The following ZNF799 variants were observed in gnomAD, a reference collection of about 807,000 sequenced individuals.
ZNF799 encodes zinc finger protein 799.
ZNF799 carries 28 observed loss-of-function variants against 41.0 expected under a neutral mutation model. That is an observed-to-expected ratio of 0.68 (90% CI 0.51 to 0.94). The LOEUF is 0.94. Among genes scored for constraint, ZNF799 ranks in the 40% least tolerant of loss-of-function variants. The pLI is 0.00. For missense variants in ZNF799, 716 were observed against 764.3 expected, an observed-to-expected ratio of 0.94 and a Z score of 0.74; for synonymous variants, 213 against 252.9, an observed-to-expected ratio of 0.84 and a Z score of 1.50.
At chr19:12,409,767 G>A in the ZNF799 span, among the ~76,000 whole-genome samples, 6 of 152,116 alleles carry the variant, frequency 3.9e-5, no homozygotes, top group Admixed American at 3.3e-4. Context: ...CCAGAAAGTC[G>A]ACATTTGAAC....
rs1302208830 is a variant in ZNF799, at chr19:12,390,214, A to C, written c.*252T>G. The stretch of plus-strand genomic sequence containing the variant: ...GTAATCTAGACATAATTGAGAGTAT[A>C]CAAGAGGATGTGGGTAAGTTACATA... On this transcript the variant is annotated 3_prime_UTR_variant, in exon 4 of 4. Coordinates refer to ENST00000430385, the MANE Select transcript of ZNF799 (RefSeq NM_001080821.3). 2.4e-5 allele frequency: 16 copies of C among 663,610 alleles called. No individual in the cohort carries two copies. Among genetic ancestry groups the C allele is most frequent in the Non-Finnish European group, 4.1e-5 (16 of 393,998 alleles). The allele number at this position is 663,610 out of a possible 1,614,324, so 41.1% of individuals were successfully genotyped here.
rs774584300 is a variant in ZNF799 at position 12,390,927 on chromosome 19, G to T, written c.1471C>A (p.Leu491Ile). Residue 491 changes from leucine to isoleucine, a missense_variant, in exon 4 of 4, where the codon CTT (leucine) becomes ATT (isoleucine). Leu to Ile is a conservative substitution (Grantham distance 5). Transcript: ENST00000430385. ...CGKAFSCFQYLSQHRRTHTGE... is the reference protein window; with the variant it reads ...CGKAFSCFQYISQHRRTHTGE... ...GTGTGAGTCCTTCTATGTTGAGAAA[G>T]GTATTGGAAACAACTGAATGCTTTC... 1 of 1,611,120 alleles carries T rather than the reference G, an allele frequency of 6.2e-7. No individual in the cohort carries two copies. Among genetic ancestry groups the T allele is most frequent in the Non-Finnish European group, 8.5e-7 (1 of 1,179,084 alleles).
intron 3 of ZNF799, 35 bp downstream of exon 3, chr19:12,392,568 C>T (rs1969840917): frequency 6.5e-7 from 1 of 1,528,018 alleles, no homozygotes; most frequent in African/African-American, 1.4e-5. Flanking sequence ...AGAACGGCTC[C>T]AGGGACATAT....
chr19:12,412,340 G>T, the ZNF799 span, among the ~76,000 whole-genome samples: 1 of 152,086 alleles, frequency 6.6e-6, no homozygotes, highest in Non-Finnish European at 1.5e-5. Flanking sequence ...CTAACTCTTG[G>T]TCTTCAAGGC....
At chr19:12,405,649 C>T, upstream of ZNF799, among the ~76,000 whole-genome samples, 1 of 152,286 alleles carries the variant, frequency 6.6e-6, no homozygotes, top group Middle Eastern at 3.4e-3. Context: ...GAGGAATAGA[C>T]ATCAGTGTCT....
At chr19:12,409,268 C>T in the ZNF799 span, among the ~76,000 whole-genome samples, 24 of 152,300 alleles carry the variant, frequency 1.6e-4, no homozygotes, top group African/African-American at 5.8e-4. Flanking sequence ...CTAATACCGC[C>T]ACTGGTTTGA....
intron 1 of ZNF799, chr19:12,394,692 TAGAA>T (rs1969869862): frequency 6.1e-6 from 6 of 985,384 alleles, no homozygotes; most frequent in Non-Finnish European, 3.6e-6. Flanking sequence ...CACATATTCT[TAGAA>T]AGAACTCAGT....
chr19:12,409,040 A>G, the ZNF799 span, among the ~76,000 whole-genome samples: 1 of 146,656 alleles, frequency 6.8e-6, no homozygotes, highest in Non-Finnish European at 1.5e-5. Flanking sequence ...CACCTCAAGA[A>G]AAAAAAAAAA....
Position 12,390,885 on chromosome 19 carries a change from C to T in ZNF799, c.1513G>A (p.Glu505Lys), listed in dbSNP as rs1969800151. 6.2e-7 allele frequency: 1 copy of T among 1,613,950 alleles called. No individual in the cohort carries two copies. Among genetic ancestry groups the T allele is most frequent in the Non-Finnish European group, 8.5e-7 (1 of 1,180,002 alleles). ...RRTHTGEKPY[E>K]CNTCKKAFSH... ...AAGGCTTTCTTACATGTGTTACACT[C>T]ATAAGGTTTCTCTCCTGTGTGAGTC... Residue 505 changes from glutamate to lysine, a missense_variant, in exon 4 of 4, where the codon GAG becomes AAG. By Grantham distance (56) the Glu-to-Lys change is moderately conservative. This residue lies in a region of ZNF799 where 698 missense variants were observed against 713.6 expected (regional missense o/e 0.98). Transcript: ENST00000430385.
the ZNF799 span, among the ~76,000 whole-genome samples, chr19:12,406,601 T>C: frequency 4.7e-5 from 7 of 147,606 alleles, no homozygotes. Context: ...GATAAAATAA[T>C]ATTAATTAAA....
chr19:12,410,256 TATA>T, the ZNF799 span, among the ~76,000 whole-genome samples: 1 of 6,894 alleles, frequency 1.5e-4, no homozygotes, highest in Admixed American at 2.0e-3. Flanking sequence ...TCTGTGTGCA[TATA>T]TATATATATA....
intron 1 of ZNF799, among the ~76,000 whole-genome samples, chr19:12,396,415 C>G (rs906103552): frequency 2.0e-5 from 3 of 152,094 alleles, no homozygotes; most frequent in African/African-American, 7.2e-5. Flanking sequence ...TTTGGGAGGC[C>G]AAGGTGTGTG....
rs1423323088 is a variant in ZNF799 at position 12,390,877 on chromosome 19, G to T, written c.1521C>A (p.Asn507Lys). Residue 507 changes from asparagine to lysine, a missense_variant, in exon 4 of 4, where the codon AAC becomes AAA. Physicochemically the swap from Asn to Lys is moderately conservative, Grantham distance 94 (BLOSUM62 0). Transcript: ENST00000430385. ...THTGEKPYEC[N>K]TCKKAFSHFG... ...AATGACTGAAGGCTTTCTTACATGT[G>T]TTACACTCATAAGGTTTCTCTCCTG... The T allele has an allele frequency of 1.1e-5, 17 of 1,613,738 alleles. No individual in the cohort carries two copies. In the East Asian group the frequency reaches 1.1e-4, roughly 11 times the overall value.
At chr19:12,410,837 A>C in the ZNF799 span, among the ~76,000 whole-genome samples, 1 of 152,210 alleles carries the variant, frequency 6.6e-6, no homozygotes, top group Non-Finnish European at 1.5e-5. Flanking sequence ...GAATGGGCCA[A>C]TTCCCTGAAA....
the ZNF799 span, among the ~76,000 whole-genome samples, chr19:12,406,730 C>A: frequency 6.6e-6 from 1 of 151,622 alleles, no homozygotes; most frequent in African/African-American, 2.4e-5. Flanking sequence ...GAAACCCCGT[C>A]TCTACTAAAA....
chr19:12,390,785 C>T lies in ZNF799; in HGVS notation c.1613G>A (p.Gly538Glu). 1 of 1,614,154 alleles carries T rather than the reference C, an allele frequency of 6.2e-7. No individual in the cohort carries two copies. The highest frequency in any genetic ancestry group is 2.2e-5 in the East Asian group (1 of 44,874). ...GCAAGTGAGCCAAGAGAATGCTTTC[C>T]CACATTCCTTACATTCATACGGCTT... Reference protein sequence around the residue: ...GEKPYECKECGKAFSWLTCFL... With the variant: ...GEKPYECKECEKAFSWLTCFL... Residue 538 changes from glycine (G) to glutamate (E), a missense_variant, in exon 4 of 4, where the codon GGG becomes GAG. Gly to Glu is a moderately conservative substitution (Grantham distance 98, BLOSUM62 -2). Around this residue, in one of 2 missense-constraint regions of ZNF799, gnomAD observed 698 missense variants for 713.6 expected, o/e 0.98. Coordinates refer to ENST00000430385, the MANE Select transcript of ZNF799 (RefSeq NM_001080821.3).
rs1191258375 is a variant in ZNF799, at chr19:12,391,206, A to G, written c.1192T>C (p.Cys398Arg). Residue 398 changes from cysteine to arginine, a missense_variant, in exon 4 of 4, where the codon TGT becomes CGT. Coordinates refer to ENST00000430385, the MANE Select transcript of ZNF799 (RefSeq NM_001080821.3). Reference protein sequence around the residue: ...TGDGPHKCKICGKAFVYPSVF... With the variant: ...TGDGPHKCKIRGKAFVYPSVF... ...CTGGGATAAACAAAGGCTTTCCCAC[A>G]TATCTTGCATTTGTGAGGTCCATCT... 6 of 1,614,196 alleles carry G rather than the reference A, an allele frequency of 3.7e-6. No homozygotes were observed. Among genetic ancestry groups the G allele is most frequent in the Non-Finnish European group, 5.1e-6 (6 of 1,180,016 alleles).
At chr19:12,401,860 C>A (rs1041037844), upstream of ZNF799, among the ~76,000 whole-genome samples, 1 of 152,208 alleles carries the variant, frequency 6.6e-6, no homozygotes, top group Admixed American at 6.5e-5. Context: ...AGACGTGAGC[C>A]ATCGCGCCTG....
At chr19:12,402,164 T>C (rs1427455366), upstream of ZNF799, among the ~76,000 whole-genome samples, 1 of 152,258 alleles carries the variant, frequency 6.6e-6, no homozygotes, top group African/African-American at 2.4e-5. Flanking sequence ...CTGCAACCTC[T>C]ACCTCCCAAG....
Sources: allele counts gnomAD v4.1 joint callset (sites outside exome capture counted in the v4.1 genomes callset), GRCh38; gene constraint gnomAD v4.1.1; regional missense constraint gnomAD v4.1.1; transcripts MANE v1.5; gene names NCBI Gene and HGNC (gene_info 2026-07-23, HGNC 2026-07-21).